The following RIMS2 variants were observed in gnomAD, a reference collection of about 807,000 sequenced individuals.
The protein encoded by RIMS2 is regulating synaptic membrane exocytosis protein 2.
In RIMS2, 59 loss-of-function variants were observed where a neutral mutation model predicts 174.4. The ratio of observed to expected loss-of-function variants is 0.34; its 90% CI spans 0.27 to 0.42. RIMS2 has a LOEUF of 0.42. Among genes scored for constraint, RIMS2 ranks in the 10% least tolerant of loss-of-function variants. RIMS2 has a pLI of 1.00. For synonymous variants in RIMS2, 606 were observed against 572.5 expected (o/e 1.06, Z -0.84); for missense variants, 1,620 against 1,666.3 (o/e 0.97, Z 0.48).
intron 19 of RIMS2, among the ~76,000 whole-genome samples, chr8:104,031,469 T>C (rs1331935608): frequency 6.6e-6 from 1 of 152,150 alleles, no homozygotes; most frequent in Non-Finnish European, 1.5e-5. Context: ...GAAGTAAATT[T>C]TGTGCTTTGG....
intron 1 of RIMS2, among the ~76,000 whole-genome samples, chr8:103,644,101 G>A (rs939119656): frequency 6.6e-6 from 1 of 151,156 alleles, no homozygotes; most frequent in Non-Finnish European, 1.5e-5. Context: ...AGCTTCTAGA[G>A]ATAATACTTA....
chr8:103,942,789 A>C (rs1443604815), exon 14 of RIMS2: 2 of 1,611,808 alleles, frequency 1.2e-6, no homozygotes, highest in Admixed American at 3.3e-5. Context: ...ATTGAATTAG[A>C]AACAGCATTA....
intron 19 of RIMS2, among the ~76,000 whole-genome samples, chr8:104,174,157 G>T (rs923866146): frequency 2.0e-5 from 3 of 151,972 alleles, no homozygotes; most frequent in Non-Finnish European, 4.4e-5. Context: ...ATGTTGGCCA[G>T]GCTGGTCTGG....
intron 17 of RIMS2, among the ~76,000 whole-genome samples, chr8:103,999,395 A>C (rs2095286902): frequency 1.3e-5 from 2 of 151,624 alleles, no homozygotes; most frequent in Non-Finnish European, 3.0e-5. Flanking sequence ...GGTTATTGCT[A>C]TATTTAATTT....
At chr8:103,520,278 T>C (rs1831005399) in intron 1 of RIMS2, among the ~76,000 whole-genome samples, 1 of 152,304 alleles carries the variant, frequency 6.6e-6, no homozygotes, top group African/African-American at 2.4e-5. Flanking sequence ...CTTTTTCTGC[T>C]GCCATGCTTG....
chr8:104,132,668 C>G (rs374109816), intron 19 of RIMS2, among the ~76,000 whole-genome samples: 1 of 152,100 alleles, frequency 6.6e-6, no homozygotes, highest in African/African-American at 2.4e-5. Context: ...ATTACCACAG[C>G]GTATCATACC....
At chr8:103,712,361 G>T (rs1231148801) in intron 2 of RIMS2, among the ~76,000 whole-genome samples, 1 of 151,896 alleles carries the variant, frequency 6.6e-6, no homozygotes, top group African/African-American at 2.4e-5. Context: ...TGGTTTTAGA[G>T]ATTTATTTTA....
chr8:103,832,452 G>A (rs1004328215), intron 3 of RIMS2, among the ~76,000 whole-genome samples: 33 of 151,958 alleles, frequency 2.2e-4, no homozygotes, highest in African/African-American at 7.7e-4. Context: ...ATGTCATGGG[G>A]GTTTGTTGTA....
chr8:103,908,330 C>T (rs1246629955), intron 4 of RIMS2, among the ~76,000 whole-genome samples: 1 of 152,198 alleles, frequency 6.6e-6, no homozygotes, highest in African/African-American at 2.4e-5. Flanking sequence ...CGTGAGCCAC[C>T]ATGCCTGGCC....
chr8:104,197,236 CGTGAACTTGGCTCA>C (rs896417197), intron 19 of RIMS2, among the ~76,000 whole-genome samples: 12 of 148,094 alleles, frequency 8.1e-5, no homozygotes, highest in African/African-American at 2.5e-4. Context: ...AGTACAATGG[CGTGAACTTGGCTCA>C]CTGCAACCTC....
At chr8:104,163,867 T>C (rs1453230748) in intron 19 of RIMS2, among the ~76,000 whole-genome samples, 1 of 151,926 alleles carries the variant, frequency 6.6e-6, no homozygotes, top group Non-Finnish European at 1.5e-5. Context: ...TGAGTTGAGA[T>C]GGGGAAATGT....
At position 103,503,149 on chromosome 8, in the gene RIMS2, G is replaced by T. The variant is rs150767940; in HGVS notation, c.176+2087G>T. 1.3e-3 allele frequency among the ~76,000 whole-genome samples: 193 copies of T among 151,916 alleles called. 2 individuals carry two copies. Among genetic ancestry groups the T allele is most frequent in the African/African-American group, 4.5e-3 (185 of 41,512 alleles). ...TCAGATTTATTTTAAATATTTGTTT[G>T]CATTGCTACCTAACTTAGTCTTAGA... On this transcript the variant is annotated intron_variant, in intron 1 of 23. Coordinates refer to ENST00000504942, the Ensembl canonical transcript of RIMS2.
chr8:104,062,674 C>T (rs766163432), intron 19 of RIMS2, among the ~76,000 whole-genome samples: 11 of 152,092 alleles, frequency 7.2e-5, no homozygotes, highest in African/African-American at 1.2e-4. Flanking sequence ...ACTGATGATA[C>T]GTTTTTATTC....
intron 4 of RIMS2, among the ~76,000 whole-genome samples, chr8:103,907,352 A>C (rs1394010337): frequency 6.6e-6 from 1 of 152,162 alleles, no homozygotes; most frequent in Non-Finnish European, 1.5e-5. Flanking sequence ...CATTCTATCC[A>C]ATTGTTCTTC....
intron 1 of RIMS2, among the ~76,000 whole-genome samples, chr8:103,509,676 T>G (rs1467964767): frequency 6.6e-6 from 1 of 151,918 alleles, no homozygotes; most frequent in African/African-American, 2.4e-5. Context: ...GCTCCAGAAA[T>G]AGGAATTGAG....
At position 104,099,711 on chromosome 8, in the gene RIMS2, T is replaced by C. The variant is rs1025025557; in HGVS notation, c.3334+85096T>C. On this transcript the variant is annotated intron_variant, in intron 19 of 23. Coordinates refer to ENST00000504942, the Ensembl canonical transcript of RIMS2. Reference sequence around the variant, plus strand: ...GATCAATTTCAGGATTGTTGCCATTTTAAGAATATTAAGTCTTCTAATCCA... The same window carrying C: ...GATCAATTTCAGGATTGTTGCCATTCTAAGAATATTAAGTCTTCTAATCCA... 2.6e-5 allele frequency among the ~76,000 whole-genome samples: 4 copies of C among 152,360 alleles called. No individual in the cohort carries two copies. The East Asian group carries it at 7.7e-4, about 29-fold the overall frequency.
chr8:103,906,417 C>T (rs1169799542), intron 4 of RIMS2, among the ~76,000 whole-genome samples: 11 of 151,838 alleles, frequency 7.2e-5, no homozygotes, highest in Non-Finnish European at 7.4e-5. Flanking sequence ...AGCTAGTTTT[C>T]GTATTTTTAT....
At chr8:103,701,063 CA>C (rs1208017016) in intron 2 of RIMS2, among the ~76,000 whole-genome samples, 9 of 151,990 alleles carry the variant, frequency 5.9e-5, no homozygotes, top group Admixed American at 2.6e-4. Flanking sequence ...TTATTTCTGG[CA>C]TTATTTATTT....
chr8:103,720,498 G>T (rs1238231487), intron 2 of RIMS2, among the ~76,000 whole-genome samples: 1 of 152,020 alleles, frequency 6.6e-6, no homozygotes, highest in Non-Finnish European at 1.5e-5. Flanking sequence ...AATACAGTAA[G>T]ATGTAAATCA....
Sources: allele counts gnomAD v4.1 joint callset (sites outside exome capture counted in the v4.1 genomes callset), GRCh38; gene constraint gnomAD v4.1.1; transcripts MANE v1.5; gene names NCBI Gene and HGNC (gene_info 2026-07-23, HGNC 2026-07-21).